The following MAGI2 variants were observed in gnomAD, a reference collection of about 807,000 sequenced individuals.
MAGI2 encodes membrane-associated guanylate kinase, WW and PDZ domain-containing protein 2.
Under a neutral mutation model 133.3 loss-of-function variants are expected in MAGI2, and 35 were observed. The ratio of observed to expected loss-of-function variants is 0.26; its 90% CI spans 0.20 to 0.35. MAGI2 has a LOEUF of 0.35. MAGI2 is among the 10% of genes least tolerant of loss of function. The pLI, the probability that MAGI2 is intolerant of heterozygous loss-of-function variation, is 1.00. For missense variants in MAGI2, 1,636 were observed against 1,863.4 expected, an observed-to-expected ratio of 0.88 and a Z score of 2.25; for synonymous variants, 729 against 710.6, an observed-to-expected ratio of 1.03 and a Z score of -0.41.
chr7:78,106,050 C>A (rs1818655528), intron 20 of MAGI2, among the ~76,000 whole-genome samples: 2 of 152,034 alleles, frequency 1.3e-5, no homozygotes, highest in South Asian at 4.1e-4. Flanking sequence ...TCATTCAAAT[C>A]TCTGTCTACA....
At chr7:78,821,869 A>G (rs1247918826) in intron 2 of MAGI2, among the ~76,000 whole-genome samples, 1 of 151,658 alleles carries the variant, frequency 6.6e-6, no homozygotes, top group Non-Finnish European at 1.5e-5. Flanking sequence ...TTTTTTTCAT[A>G]AAAGAAAGGC....
At chr7:78,363,075 A>G (rs1363850296) in intron 7 of MAGI2, among the ~76,000 whole-genome samples, 1 of 152,254 alleles carries the variant, frequency 6.6e-6, no homozygotes. Flanking sequence ...TACTATTATT[A>G]TAACAAATTC....
chr7:79,288,083 CTT>C (rs1372154937), intron 1 of MAGI2, among the ~76,000 whole-genome samples: 4 of 152,130 alleles, frequency 2.6e-5, no homozygotes, highest in Non-Finnish European at 5.9e-5. Context: ...TATATGCAAA[CTT>C]AGTATAAAAC....
intron 6 of MAGI2, among the ~76,000 whole-genome samples, chr7:78,388,978 A>G (rs1166310470): frequency 6.6e-6 from 1 of 152,200 alleles, no homozygotes; most frequent in Non-Finnish European, 1.5e-5. Context: ...GTAATTAAAA[A>G]ATCTATTTCT....
intron 2 of MAGI2, among the ~76,000 whole-genome samples, chr7:78,738,743 A>G (rs1406010598): frequency 6.6e-6 from 1 of 152,222 alleles, no homozygotes; most frequent in Admixed American, 6.5e-5. Flanking sequence ...TGTGTTGTTG[A>G]AGAATGTCTC....
chr7:78,274,993 G>GAA (rs113687883), intron 9 of MAGI2, among the ~76,000 whole-genome samples: 21 of 149,948 alleles, frequency 1.4e-4, no homozygotes, highest in East Asian at 3.9e-4. Context: ...ACTGGGGTAT[G>GAA]AAAAAAAAAA....
intron 2 of MAGI2, among the ~76,000 whole-genome samples, chr7:78,855,825 G>A (rs1368794748): frequency 2.0e-5 from 3 of 152,124 alleles, no homozygotes; most frequent in Non-Finnish European, 2.9e-5. Flanking sequence ...TTGAGGAATC[G>A]CCACACTGTC....
rs182827528 is a variant in MAGI2 at position 78,087,491 on chromosome 7, C to T, written c.3568-8406G>A. Reference sequence around the variant, plus strand: ...TAGATCATTATAATTATCATAATAACGGTAGAAGAGATAAAAAAAGTAATA... The same window carrying T: ...TAGATCATTATAATTATCATAATAATGGTAGAAGAGATAAAAAAAGTAATA... On this transcript the variant is annotated intron_variant, in intron 20 of 21. Coordinates refer to ENST00000354212, the MANE Select transcript of MAGI2 (RefSeq NM_012301.4). Among the ~76,000 whole-genome samples, 200 of 150,944 alleles carry T rather than the reference C, an allele frequency of 1.3e-3. 3 individuals are homozygous for T. The highest frequency in any genetic ancestry group is 4.1e-3 in the African/African-American group (168 of 41,102).
chr7:78,886,133 C>G (rs952398793), intron 2 of MAGI2, among the ~76,000 whole-genome samples: 1 of 152,230 alleles, frequency 6.6e-6, no homozygotes, highest in Non-Finnish European at 1.5e-5. Flanking sequence ...CCTTCCACAT[C>G]CCCTGCAGAT....
At chr7:79,194,969 C>T (rs961958136) in intron 1 of MAGI2, among the ~76,000 whole-genome samples, 1 of 151,676 alleles carries the variant, frequency 6.6e-6, no homozygotes, top group African/African-American at 2.4e-5. Context: ...AAAGACATGC[C>T]CAAAGTTCAT....
chr7:78,195,085 A>G, intron 11 of MAGI2, 22 bp from the exon 12 acceptor site: 1 of 1,554,092 alleles, frequency 6.4e-7, no homozygotes, highest in African/African-American at 1.4e-5. Flanking sequence ...CAGAGGACAG[A>G]GAAAATGACT....
chr7:78,328,118 T>G (rs917515929), intron 9 of MAGI2, among the ~76,000 whole-genome samples: 1 of 152,172 alleles, frequency 6.6e-6, no homozygotes, highest in African/African-American at 2.4e-5. Flanking sequence ...TCCACTTGCC[T>G]CTGGGCAAAA....
chr7:78,633,599 C>G (rs760671446), intron 2 of MAGI2, among the ~76,000 whole-genome samples: 32 of 150,182 alleles, frequency 2.1e-4, no homozygotes, highest in Non-Finnish European at 3.4e-4. Context: ...CCAGCTACTC[C>G]GGAGGCTGAG....
chr7:79,371,802 A>G (rs1843070188), intron 1 of MAGI2, among the ~76,000 whole-genome samples: 1 of 152,118 alleles, frequency 6.6e-6, no homozygotes, highest in African/African-American at 2.4e-5. Context: ...TAGCTTTCAT[A>G]ATAGTCACCT....
intron 2 of MAGI2, among the ~76,000 whole-genome samples, chr7:78,860,424 G>T (rs1584187935): frequency 6.6e-6 from 1 of 152,110 alleles, no homozygotes; most frequent in East Asian, 1.9e-4. Context: ...TGGGGTTTTG[G>T]TGTGGATGTC....
intron 1 of MAGI2, among the ~76,000 whole-genome samples, chr7:79,319,893 C>T (rs1362709768): frequency 6.6e-6 from 1 of 152,102 alleles, no homozygotes; most frequent in East Asian, 1.9e-4. Context: ...ATAATGTTTT[C>T]ATCACCTAAA....
At chr7:79,191,023 G>C (rs980055924) in intron 1 of MAGI2, among the ~76,000 whole-genome samples, 1 of 151,498 alleles carries the variant, frequency 6.6e-6, no homozygotes, top group African/African-American at 2.4e-5. Context: ...AATTCTGTTC[G>C]ACTGCATGTT....
At chr7:78,868,778 G>T (rs1417486298) in intron 2 of MAGI2, among the ~76,000 whole-genome samples, 6 of 151,264 alleles carry the variant, frequency 4.0e-5, no homozygotes, top group Non-Finnish European at 7.4e-5. Context: ...TTTTGAGACA[G>T]AGTCTTCCTC....
chr7:78,291,893 TA>T (rs1474188074), intron 9 of MAGI2, among the ~76,000 whole-genome samples: 3 of 152,078 alleles, frequency 2.0e-5, no homozygotes, highest in African/African-American at 7.2e-5. Context: ...CTGTTCATGC[TA>T]AAAACTCTCA....
Sources: allele counts gnomAD v4.1 joint callset (sites outside exome capture counted in the v4.1 genomes callset), GRCh38; gene constraint gnomAD v4.1.1; transcripts MANE v1.5; gene names NCBI Gene and HGNC (gene_info 2026-07-23, HGNC 2026-07-21).